The following CYP24A1 variants were observed in gnomAD, a reference collection of about 807,000 sequenced individuals.
The protein encoded by CYP24A1 is 1,25-dihydroxyvitamin D(3) 24-hydroxylase, mitochondrial.
In CYP24A1, 68 loss-of-function variants were observed where a neutral mutation model predicts 62.4. The observed-to-expected ratio is 1.09, with a 90% confidence interval of 0.90 to 1.33. The LOEUF is 1.33. Among genes scored for constraint, CYP24A1 ranks in the 40% most tolerant of loss-of-function variants. The pLI is 0.00. For synonymous variants in CYP24A1, 267 were observed against 253.0 expected (o/e 1.06, Z -0.52); for missense variants, 787 against 653.0 (o/e 1.21, Z -2.24).
rs2092663472 is a variant in CYP24A1, at chr20:54,164,443, G to A, written c.844+9C>T. 1 of 1,613,940 alleles carries A rather than the reference G, an allele frequency of 6.2e-7. No homozygotes were observed. The highest frequency in any genetic ancestry group is 1.3e-5 in the African/African-American group (1 of 74,892). On this transcript the variant is annotated intron_variant, in intron 6 of 11. Coordinates refer to ENST00000216862, the MANE Select transcript of CYP24A1 (RefSeq NM_000782.5). ...TGGTTCTGGCTGGTTGTGAAGGGCG[G>A]CCCTTTACCTGATTTGAAAATGGTG...
At chr20:54,161,093 C>G (rs1174496738) in intron 7 of CYP24A1, among the ~76,000 whole-genome samples, 1 of 152,242 alleles carries the variant, frequency 6.6e-6, no homozygotes, top group African/African-American at 2.4e-5. Context: ...AAATCTAATG[C>G]CTTACCCAGG....
At chr20:54,143,831 CA>C in the CYP24A1 span, among the ~76,000 whole-genome samples, 15 of 147,788 alleles carry the variant, frequency 1.0e-4, no homozygotes, top group South Asian at 2.1e-4. Flanking sequence ...ATACAGACAG[CA>C]AAAAAAAAAT....
chr20:54,149,443 G>A (rs1289380827), downstream of CYP24A1, among the ~76,000 whole-genome samples: 1 of 152,038 alleles, frequency 6.6e-6, no homozygotes, highest in Non-Finnish European at 1.5e-5. Flanking sequence ...TGGGAAACCA[G>A]TACACAATAA....
In CYP24A1 at chr20:54,171,596, A is replaced by T; in HGVS notation, c.524T>A (p.Leu175Gln). ...GCAGACCTCATTGATTTTGTTGTCCAGCTTCATCACTTCCCCTGGTTTCAT... is the reference window on the plus strand; with the variant it reads ...GCAGACCTCATTGATTTTGTTGTCCTGCTTCATCACTTCCCCTGGTTTCAT... The part of the protein sequence containing the change: ...KLMKPGEVMK[L>Q]DNKINEVLAD... Residue 175 changes from leucine to glutamine, a missense_variant, in exon 3 of 12, where the codon CTG becomes CAG. By Grantham distance (113) the Leu-to-Gln change is moderately radical. Transcript: ENST00000216862. 1 of 1,613,958 alleles carries T rather than the reference A, an allele frequency of 6.2e-7. No homozygotes were observed.
intron 4 of CYP24A1, among the ~76,000 whole-genome samples, chr20:54,166,785 A>C (rs2092673679): frequency 6.6e-6 from 1 of 152,096 alleles, no homozygotes; most frequent in South Asian, 2.1e-4. Context: ...TAATCCCAAC[A>C]CTTCAGGAGG....
At chr20:54,144,465 G>A in the CYP24A1 span, among the ~76,000 whole-genome samples, 3 of 151,422 alleles carry the variant, frequency 2.0e-5, no homozygotes, top group Non-Finnish European at 4.4e-5. Context: ...ATGTTGCCCA[G>A]GGTGGTCTGG....
chr20:54,162,220 C>CTTTTTTTTT lies in CYP24A1; in HGVS notation c.990+488_990+496dup, dbSNP rs530338632. Among the ~76,000 whole-genome samples the CTTTTTTTTT allele has an allele frequency of 1.7e-4, 12 of 72,550 alleles. 1 individual carries two copies. Among genetic ancestry groups the CTTTTTTTTT allele is most frequent in the African/African-American group, 6.3e-4 (10 of 15,876 alleles). 47.6% of individuals were successfully genotyped at this position (72,550 alleles called of 152,430 possible). A position where few individuals can be genotyped will look rare whatever the true frequency, so the allele number is the denominator to read the frequency against. On this transcript the variant is annotated intron_variant, in intron 7 of 11. Transcript: ENST00000216862. ...ATTATTGGCTTGAAAGAGAGTATGC[C>CTTTTTTTTT]TTTTTTTTTTTTTTTTTTTTTTTTT... is the stretch of plus-strand genomic sequence containing the variant.
At chr20:54,158,192 G>T in intron 8 of CYP24A1, 28 bp from the exon 9 acceptor site, 1 of 1,612,798 alleles carries the variant, frequency 6.2e-7, no homozygotes, top group South Asian at 1.1e-5. Context: ...AAGATGTAAA[G>T]GTGAGCACAG....
At chr20:54,172,180 T>C (rs111696005) in intron 2 of CYP24A1, among the ~76,000 whole-genome samples, 2,458 of 152,274 alleles carry the variant, frequency 0.016, 28 homozygotes, top group Middle Eastern at 0.034. Context: ...TAAAAAGCCT[T>C]TTGCGATCGT....
chr20:54,158,885 G>A (rs1020183067), intron 8 of CYP24A1, 72 bp downstream of exon 8: 20 of 1,612,586 alleles, frequency 1.2e-5, no homozygotes, highest in Admixed American at 1.7e-5. Context: ...CCATGAGTAG[G>A]GGACCACTTG....
At chr20:54,160,186 A>G (rs889288199) in intron 7 of CYP24A1, among the ~76,000 whole-genome samples, 8 of 152,244 alleles carry the variant, frequency 5.3e-5, no homozygotes, top group Non-Finnish European at 8.8e-5. Flanking sequence ...AAAATAAGAA[A>G]TTCAAACATT....
intron 2 of CYP24A1, among the ~76,000 whole-genome samples, chr20:54,172,212 A>G (rs2092696450): frequency 6.6e-6 from 1 of 152,216 alleles, no homozygotes; most frequent in African/African-American, 2.4e-5. Flanking sequence ...CACCTGCCCC[A>G]TAGCAGACCA....
At chr20:54,161,220 C>G (rs956500133) in intron 7 of CYP24A1, among the ~76,000 whole-genome samples, 2 of 152,206 alleles carry the variant, frequency 1.3e-5, no homozygotes, top group Admixed American at 1.3e-4. Flanking sequence ...TTTGCATGGG[C>G]CGTTTCCTCT....
rs1169098939 is a variant in CYP24A1 at position 54,158,887 on chromosome 20, G to A, written c.1157+70C>T. The A allele has an allele frequency of 3.1e-6, 5 of 1,612,992 alleles. No individual in the cohort carries two copies. The East Asian group carries it at 6.7e-5, about 22-fold the overall frequency. The stretch of plus-strand genomic sequence containing the variant: ...TAGGGGAAGCCGCCCATGAGTAGGG[G>A]ACCACTTGTTTTGTGTTTACGAGAA... On this transcript the variant is annotated intron_variant, in intron 8 of 11. Coordinates refer to ENST00000216862, the MANE Select transcript of CYP24A1 (RefSeq NM_000782.5).
chr20:54,148,671 T>A (rs1013112101), downstream of CYP24A1, among the ~76,000 whole-genome samples: 1 of 152,004 alleles, frequency 6.6e-6, no homozygotes, highest in Non-Finnish European at 1.5e-5. Flanking sequence ...CCAGCAACAA[T>A]GCACAGGAAC....
intron 3 of CYP24A1, among the ~76,000 whole-genome samples, chr20:54,170,592 A>G (rs575537660): frequency 6.6e-6 from 1 of 152,228 alleles, no homozygotes; most frequent in African/African-American, 2.4e-5. Context: ...TCATATGAAC[A>G]TATGGATTTA....
Position 54,162,840 on chromosome 20 carries a change from C to G in CYP24A1, c.867G>C (p.Arg289=). The change falls in exon 7 of 12, where the codon CGG becomes CGC. Residue 289 remains arginine (R), a synonymous_variant. Transcript: ENST00000216862. ...TAGGCTGCTGAGAATACTTCTCTAACCGGTTGTCGATACAAGCTTTGACTA... is the reference window on the plus strand; with the variant it reads ...TAGGCTGCTGAGAATACTTCTCTAAGCGGTTGTCGATACAAGCTTTGACTA... ...FKSVKACIDN[R]LEKYSQQPSA... is the part of the protein sequence containing the mutation. 1 of 1,576,300 alleles carries G rather than the reference C, an allele frequency of 6.3e-7. No individual in the cohort carries two copies. Among genetic ancestry groups the G allele is most frequent in the Admixed American group, 1.7e-5 (1 of 59,934 alleles).
the CYP24A1 span, among the ~76,000 whole-genome samples, chr20:54,146,567 G>A: frequency 4.6e-5 from 7 of 152,114 alleles, no homozygotes; most frequent in Non-Finnish European, 1.0e-4. Flanking sequence ...AAAAAGCAAA[G>A]CATTTCTTTT....
intron 3 of CYP24A1, 112 bp downstream of exon 3, chr20:54,171,465 A>G (rs1054120723): frequency 2.5e-5 from 40 of 1,600,758 alleles, no homozygotes; most frequent in Non-Finnish European, 5.1e-6. Context: ...CCCACTTTGA[A>G]TCACCCGAAT....
Sources: allele counts gnomAD v4.1 joint callset (sites outside exome capture counted in the v4.1 genomes callset), GRCh38; gene constraint gnomAD v4.1.1; transcripts MANE v1.5; gene names NCBI Gene and HGNC (gene_info 2026-07-23, HGNC 2026-07-21).